Variants in FOCAD observed in about 807,000 individuals in gnomAD.
The protein encoded by FOCAD is KIAA1797.
A neutral mutation model predicts 225.6 loss-of-function variants in FOCAD; 198 were observed. The observed-to-expected ratio is 0.88, with a 90% CI of 0.78 to 0.99. The LOEUF (loss-of-function observed/expected upper bound fraction) is 0.99. Ranked by LOEUF, FOCAD falls within the 50% of genes least tolerant of loss-of-function variation. FOCAD has a pLI of 0.00. For missense variants in FOCAD, 2,713 were observed against 2,123.6 expected (o/e 1.28, Z -5.46); for synonymous variants, 897 against 755.0 (o/e 1.19, Z -3.08).
chr9:20,829,507 C>T (rs937659317), intron 15 of FOCAD, among the ~76,000 whole-genome samples: 1 of 152,046 alleles, frequency 6.6e-6, no homozygotes, highest in African/African-American at 2.4e-5. Flanking sequence ...TAATATTGAG[C>T]ATCTTTTCCT....
At chr9:20,704,718 A>G (rs1191766723) in intron 1 of FOCAD, among the ~76,000 whole-genome samples, 4 of 152,150 alleles carry the variant, frequency 2.6e-5, no homozygotes, top group African/African-American at 4.8e-5. Flanking sequence ...TTTATCAACA[A>G]TTTTTCTACT....
chr9:20,760,028 C>T (rs919566957), intron 6 of FOCAD, among the ~76,000 whole-genome samples: 12 of 152,198 alleles, frequency 7.9e-5, no homozygotes, highest in African/African-American at 1.7e-4. Context: ...ACTACCATGA[C>T]GCTGGTTCAG....
intron 15 of FOCAD, among the ~76,000 whole-genome samples, chr9:20,848,471 G>A (rs917734282): frequency 1.3e-5 from 2 of 151,888 alleles, no homozygotes; most frequent in African/African-American, 4.8e-5. Context: ...AGATTTTATT[G>A]CTGGCTTTGG....
intron 2 of FOCAD, among the ~76,000 whole-genome samples, chr9:20,662,847 T>G (rs1821774887): frequency 6.6e-6 from 1 of 152,190 alleles, no homozygotes; most frequent in African/African-American, 2.4e-5. Context: ...TTCTAAAGAT[T>G]TAGTTTTCAA....
intron 28 of FOCAD, 91 bp downstream of exon 28, chr9:20,933,194 ATTTTTAT>A: frequency 1.1e-6 from 1 of 916,696 alleles, no homozygotes; most frequent in Non-Finnish European, 1.7e-6. Context: ...AATATTTTTT[ATTTTTAT>A]TTTTTATTTC....
rs573266583 is a variant in FOCAD at position 20,799,811 on chromosome 9, T to G, written c.1455+10203T>G. 2.6e-5 allele frequency among the ~76,000 whole-genome samples: 4 copies of G among 152,270 alleles called. No homozygotes were observed. In the East Asian group the frequency reaches 7.8e-4, roughly 30 times the overall value. ...CTTGACTCTTTATCCAATTTGCCAC[T>G]CTGTGTCTTTTAATTGGAGCATTTA... On this transcript the variant is annotated intron_variant, in intron 11 of 43. Transcript: ENST00000338382.
chr9:20,971,903 C>A (rs1839798333), intron 35 of FOCAD, among the ~76,000 whole-genome samples: 1 of 152,036 alleles, frequency 6.6e-6, no homozygotes, highest in African/African-American at 2.4e-5. Flanking sequence ...AAGTTTCATC[C>A]ATGCTATAGC....
intron 35 of FOCAD, among the ~76,000 whole-genome samples, chr9:20,957,888 G>C (rs562306290): frequency 1.1e-3 from 160 of 151,974 alleles, no homozygotes; most frequent in African/African-American, 3.7e-3. Context: ...GTAATGTAGT[G>C]AGCAGGAGTC....
intron 28 of FOCAD, among the ~76,000 whole-genome samples, chr9:20,938,849 G>A (rs1204650123): frequency 1.3e-5 from 2 of 151,632 alleles, no homozygotes; most frequent in African/African-American, 4.8e-5. Flanking sequence ...ATTTTTCTCA[G>A]TCATTTTGCT....
Position 20,986,141 on chromosome 9 carries a change from A to G in FOCAD, c.4729-147A>G, listed in dbSNP as rs567113036. On this transcript the variant is annotated intron_variant, in intron 39 of 43. Transcript: ENST00000338382. Reference sequence around the variant, plus strand: ...TATTGTATGCTCATGTTAATTTAGCACACAGGCAGATGGGTCATGTGCTGC... The same window carrying G: ...TATTGTATGCTCATGTTAATTTAGCGCACAGGCAGATGGGTCATGTGCTGC... 5 of 676,590 alleles carry G rather than the reference A, an allele frequency of 7.4e-6. No individual in the cohort carries two copies. In the South Asian group the frequency reaches 8.1e-5, roughly 11 times the overall value. The allele number at this position is 676,590 out of a possible 1,614,324, so 41.9% of individuals were successfully genotyped here.
At chr9:20,791,837 G>A (rs555575276) in intron 11 of FOCAD, among the ~76,000 whole-genome samples, 1 of 152,280 alleles carries the variant, frequency 6.6e-6, no homozygotes, top group South Asian at 2.1e-4. Context: ...CCCAAAGGAA[G>A]GATAGATAGT....
chr9:20,806,065 C>T (rs1050790484), intron 11 of FOCAD, among the ~76,000 whole-genome samples: 2 of 152,178 alleles, frequency 1.3e-5, no homozygotes, highest in South Asian at 2.1e-4. Context: ...CGTACCCAGA[C>T]ATTTAGCATT....
intron 2 of FOCAD, among the ~76,000 whole-genome samples, chr9:20,664,755 A>AAT (rs1389110909): frequency 6.6e-6 from 1 of 151,614 alleles, no homozygotes; most frequent in Non-Finnish European, 1.5e-5. Context: ...CTGGGATTAC[A>AAT]GGCGTGAGCC....
At chr9:20,981,372 A>G (rs547925322) in intron 37 of FOCAD, 54 bp from the exon 38 acceptor site, 3 of 1,584,974 alleles carry the variant, frequency 1.9e-6, no homozygotes, top group East Asian at 2.2e-5. Context: ...GGTTTTGAAC[A>G]TTGCAAACCC....
chr9:20,722,219 T>A (rs908801826), intron 4 of FOCAD, among the ~76,000 whole-genome samples: 1 of 151,638 alleles, frequency 6.6e-6, no homozygotes, highest in Non-Finnish European at 1.5e-5. Flanking sequence ...GGTTTTTCTT[T>A]TCCTTTTGCA....
chr9:20,770,354 A>G (rs1278924381), intron 8 of FOCAD, 116 bp downstream of exon 8: 4 of 928,490 alleles, frequency 4.3e-6, no homozygotes, highest in Non-Finnish European at 6.5e-6. Context: ...GCTGTACAGG[A>G]TGCATGGTGC....
At chr9:20,662,241 T>C (rs1314857117) in intron 2 of FOCAD, among the ~76,000 whole-genome samples, 1 of 152,052 alleles carries the variant, frequency 6.6e-6, no homozygotes, top group Non-Finnish European at 1.5e-5. Context: ...AGCTACATTG[T>C]GATAGCCATG....
chr9:20,951,167 T>C, intron 34 of FOCAD, 69 bp downstream of exon 34: 3 of 1,142,552 alleles, frequency 2.6e-6, no homozygotes, highest in Non-Finnish European at 2.6e-6. Context: ...CTGTAGTTTG[T>C]TAAGAGCATT....
chr9:20,899,391 G>T (rs555905534), intron 21 of FOCAD, among the ~76,000 whole-genome samples: 327 of 151,978 alleles, frequency 2.2e-3, no homozygotes, highest in African/African-American at 7.4e-3. Context: ...CCCAGCCCTA[G>T]TTACTGTGGT....
Sources: allele counts gnomAD v4.1 joint callset (sites outside exome capture counted in the v4.1 genomes callset), GRCh38; gene constraint gnomAD v4.1.1; transcripts MANE v1.5; gene names NCBI Gene and HGNC (gene_info 2026-07-23, HGNC 2026-07-21).